C18orf63: variants seen among roughly 807,000 people sequenced by gnomAD.
C18orf63 encodes the protein chromosome 18 open reading frame 63, also known as uncharacterized protein C18orf63.
Under a neutral mutation model 75.3 loss-of-function variants are expected in C18orf63, and 50 were observed. The ratio of observed to expected loss-of-function variants is 0.66; its 90% CI spans 0.53 to 0.84. C18orf63 has a LOEUF of 0.84. Ranked by LOEUF, C18orf63 falls within the 40% of genes least tolerant of loss-of-function variation. The probability of loss-of-function intolerance (pLI) is 0.00; values close to 1 mark genes in which losing one functional copy is unlikely to be tolerated. For missense variants in C18orf63, 732 were observed against 800.2 expected (o/e 0.91, Z 1.03); for synonymous variants, 232 against 267.6 (o/e 0.87, Z 1.30).
At chr18:74,319,740 C>T (rs1984087973) in intron 2 of C18orf63, among the ~76,000 whole-genome samples, 1 of 152,206 alleles carries the variant, frequency 6.6e-6, no homozygotes, top group African/African-American at 2.4e-5. Context: ...CCCTGCCCAC[C>T]ACCTTTTTTT....
At chr18:74,340,801 A>C (rs1568238199) in intron 8 of C18orf63, among the ~76,000 whole-genome samples, 1 of 152,076 alleles carries the variant, frequency 6.6e-6, no homozygotes, top group Non-Finnish European at 1.5e-5. Flanking sequence ...CTCTAAAACA[A>C]TTGAACTCTC....
chr18:74,353,785 G>A lies in C18orf63; in HGVS notation c.1518G>A (p.Glu506=). Residue 506 remains glutamate, a synonymous_variant, in exon 12 of 14, where the codon GAG becomes GAA. Coordinates refer to ENST00000579455, the MANE Select transcript of C18orf63 (RefSeq NM_001174123.2). ...QMQAANNLNQ[E]NSRPLQEKNT... ...AGGCTGCTAACAATTTAAATCAGGA[G>A]AATTCCAGACCTCTGCAAGAAAAAA... 2 of 1,535,844 alleles carry A rather than the reference G, an allele frequency of 1.3e-6. No homozygotes were observed. The highest frequency in any genetic ancestry group is 1.7e-6 in the Non-Finnish European group (2 of 1,146,814).
chr18:74,341,484 A>G (rs1465828748), intron 8 of C18orf63, among the ~76,000 whole-genome samples: 1 of 152,158 alleles, frequency 6.6e-6, no homozygotes, highest in Non-Finnish European at 1.5e-5. Context: ...GATTGAGACC[A>G]GCCTGGCCAA....
chr18:74,355,139 A>G (rs534700576), intron 13 of C18orf63, among the ~76,000 whole-genome samples: 2 of 152,334 alleles, frequency 1.3e-5, no homozygotes, highest in East Asian at 3.9e-4. Flanking sequence ...TTTTTTACAT[A>G]GAACTATTGG....
Position 74,353,695 on chromosome 18 carries a change from C to A in C18orf63, c.1428C>A (p.Ile476=). 3 of 1,535,916 alleles carry A rather than the reference C, an allele frequency of 2.0e-6. No individual in the cohort carries two copies. The highest frequency in any genetic ancestry group is 2.6e-6 in the Non-Finnish European group (3 of 1,146,768). Residue 476 remains isoleucine (I), a synonymous_variant, in exon 12 of 14, where the codon ATC becomes ATA. Transcript: ENST00000579455. The stretch of plus-strand genomic sequence containing the variant: ...TGTTTTCACTCAAAACTAGTATGAT[C>A]CAGCATGACAAACTGAATTTAGGTC... The part of the protein sequence containing the change: ...SKLFSLKTSM[I]QHDKLNLGPA...
intron 1 of C18orf63, among the ~76,000 whole-genome samples, chr18:74,316,387 C>T (rs1014808306): frequency 9.9e-5 from 15 of 152,146 alleles, no homozygotes; most frequent in Non-Finnish European, 1.6e-4. Flanking sequence ...GAAGCCAGGC[C>T]GGAAGAGGGG....
At chr18:74,356,298 A>G (rs532352050) in intron 13 of C18orf63, among the ~76,000 whole-genome samples, 183 bp from the exon 14 acceptor site, 125 of 151,508 alleles carry the variant, frequency 8.3e-4, no homozygotes, top group Admixed American at 1.6e-3. Flanking sequence ...TCAACGCCCT[A>G]CTCTTCTTTC....
At chr18:74,355,618 CAA>C (rs1176213101) in intron 13 of C18orf63, among the ~76,000 whole-genome samples, 2 of 151,176 alleles carry the variant, frequency 1.3e-5, no homozygotes, top group Non-Finnish European at 2.9e-5. Flanking sequence ...CCTGTCTCCA[CAA>C]AAAATATAAA....
intron 7 of C18orf63, among the ~76,000 whole-genome samples, chr18:74,336,836 T>G (rs1861923): frequency 0.72 from 109,044 of 151,876 alleles, 39,278 homozygotes; most frequent in Non-Finnish European, 0.75. Flanking sequence ...CCTACCTAAA[T>G]ACTTCAGAGT....
chr18:74,327,881 T>C, intron 4 of C18orf63, 66 bp from the exon 5 acceptor site: 1 of 931,178 alleles, frequency 1.1e-6, no homozygotes, highest in Non-Finnish European at 1.7e-6. Flanking sequence ...AGTCATTTCC[T>C]ATTAGTATAT....
intron 11 of C18orf63, among the ~76,000 whole-genome samples, chr18:74,344,757 G>A (rs752811181): frequency 1.3e-5 from 2 of 152,096 alleles, no homozygotes; most frequent in Non-Finnish European, 1.5e-5. Flanking sequence ...AGCTATAGTC[G>A]GTTTATTTTC....
Position 74,358,760 on chromosome 18 carries a change from A to G in C18orf63, c.*2313A>G, listed in dbSNP as rs575534346. On this transcript the variant is annotated 3_prime_UTR_variant, in exon 14 of 14. Coordinates refer to ENST00000579455, the MANE Select transcript of C18orf63 (RefSeq NM_001174123.2). ...CTTTAAAAAATATATGGCAATGTCA[A>G]AATAAATGCCAAGAATCATATTTCT... is the stretch of plus-strand genomic sequence containing the variant. 3.7e-4 allele frequency: 57 copies of G among 152,322 alleles called. No homozygotes were observed. The highest frequency in any genetic ancestry group is 1.1e-3 in the African/African-American group (46 of 41,586). The allele number at this position is 152,322 out of a possible 1,614,324, so 9.4% of individuals were successfully genotyped here. A position where few individuals can be genotyped will look rare whatever the true frequency, so the allele number is the denominator to read the frequency against.
chr18:74,333,747 A>G (rs1482431129), intron 7 of C18orf63, among the ~76,000 whole-genome samples: 1 of 152,192 alleles, frequency 6.6e-6, no homozygotes, highest in Non-Finnish European at 1.5e-5. Context: ...CACCATCCAT[A>G]TGCCCTAGGG....
intron 8 of C18orf63, among the ~76,000 whole-genome samples, chr18:74,341,590 G>A (rs978699830): frequency 6.6e-6 from 1 of 152,050 alleles, no homozygotes; most frequent in Non-Finnish European, 1.5e-5. Context: ...CAGGAGAATC[G>A]CTTGAACGAT....
At chr18:74,323,284 A>G (rs1240793718) in intron 4 of C18orf63, among the ~76,000 whole-genome samples, 1 of 152,218 alleles carries the variant, frequency 6.6e-6, no homozygotes, top group Admixed American at 6.5e-5. Context: ...CCCAGAAGCA[A>G]CAGCTGTTAT....
chr18:74,357,448 T>C lies in C18orf63; in HGVS notation c.*1001T>C, dbSNP rs1984786654. On this transcript the variant is annotated 3_prime_UTR_variant, in exon 14 of 14. Transcript: ENST00000579455. ...AACAGAAGTGGAGCTTCTCAGACAA[T>C]GAATATTATTCTGGCTTTCAAACAT... is the stretch of plus-strand genomic sequence containing the variant. 1 of 152,234 alleles carries C rather than the reference T, an allele frequency of 6.6e-6. No homozygotes were observed. Among genetic ancestry groups the C allele is most frequent in the Admixed American group, 6.5e-5 (1 of 15,286 alleles). 9.4% of individuals were successfully genotyped at this position (152,234 alleles called of 1,614,324 possible). A position where few individuals can be genotyped will look rare whatever the true frequency, so the allele number is the denominator to read the frequency against.
chr18:74,354,059 G>T lies in C18orf63; in HGVS notation c.1792G>T (p.Glu598Ter), dbSNP rs1321832592. Residue 598 changes from glutamate (E) to a stop codon, truncating the protein, a stop_gained, in exon 12 of 14, where the codon GAA becomes TAA. Coordinates refer to ENST00000579455, the MANE Select transcript of C18orf63 (RefSeq NM_001174123.2). LOFTEE classifies it high-confidence loss of function. The stretch of plus-strand genomic sequence containing the variant: ...ACTGAAAAGACAGCCACACATTTTT[G>T]AATCAGATGGAGAAACCGAAGATCC... ...LKLKRQPHIF[E>*]SDGETEDPRL... 11 of 1,535,988 alleles carry T rather than the reference G, an allele frequency of 7.2e-6. No individual in the cohort carries two copies. The highest frequency in any genetic ancestry group is 2.4e-5 in the East Asian group (1 of 40,914).
chr18:74,320,304 G>T (rs541825561), intron 2 of C18orf63, among the ~76,000 whole-genome samples: 1 of 152,080 alleles, frequency 6.6e-6, no homozygotes, highest in South Asian at 2.1e-4. Flanking sequence ...AGAGAGAGGT[G>T]GGGGGAGGAA....
At chr18:74,329,700 A>G (rs911086938) in intron 6 of C18orf63, among the ~76,000 whole-genome samples, 5 of 152,220 alleles carry the variant, frequency 3.3e-5, no homozygotes, top group African/African-American at 1.2e-4. Flanking sequence ...TATTTCTTAT[A>G]AGAATAGGAT....
Sources: gnomAD v4.1 joint callset for allele counts (sites outside exome capture counted in the v4.1 genomes callset) on GRCh38, gnomAD v4.1.1 for gene constraint, MANE v1.5 for transcripts, NCBI Gene and HGNC (gene_info 2026-07-23, HGNC 2026-07-21) for gene names.